RNF217: variants seen among roughly 807,000 people sequenced by gnomAD.
RNF217 encodes the protein E3 ubiquitin-protein ligase RNF217.
Under a neutral mutation model 57.8 loss-of-function variants are expected in RNF217, and 31 were observed. The ratio of observed to expected loss-of-function variants is 0.54; its 90% CI spans 0.40 to 0.72. The LOEUF is 0.72. Ranked by LOEUF, RNF217 falls within the 30% of genes least tolerant of loss-of-function variation. RNF217 has a pLI of 0.00. For synonymous variants in RNF217, 313 were observed against 294.0 expected (o/e 1.06, Z -0.66); for missense variants, 696 against 708.3 (o/e 0.98, Z 0.20).
At chr6:125,040,552 C>T (rs543186350) in intron 1 of RNF217, among the ~76,000 whole-genome samples, 6 of 152,228 alleles carry the variant, frequency 3.9e-5, no homozygotes, top group African/African-American at 9.6e-5. Flanking sequence ...CTATTCCAAA[C>T]AATTGAAAAG....
rs1027246584 is a variant in RNF217 at position 125,085,676 on chromosome 6, A to G, written c.*2739A>G. ...ACTACTTTAAAAAATTGAACTATAC[A>G]GAATTTATAAAATACAACTTTCTCT... On this transcript the variant is annotated 3_prime_UTR_variant, in exon 6 of 6. Coordinates refer to ENST00000521654, the MANE Select transcript of RNF217 (RefSeq NM_001286398.3). 3 of 151,910 alleles carry G rather than the reference A, an allele frequency of 2.0e-5. No individual in the cohort carries two copies. The highest frequency in any genetic ancestry group is 2.9e-5 in the Non-Finnish European group (2 of 67,838). 9.4% of individuals were successfully genotyped at this position (151,910 alleles called of 1,614,324 possible).
intron 3 of RNF217, among the ~76,000 whole-genome samples, chr6:125,070,826 T>C (rs1033959679): frequency 6.6e-6 from 1 of 152,172 alleles, no homozygotes; most frequent in Admixed American, 6.5e-5. Context: ...GAGGTTAGGA[T>C]TTTATCTAGA....
chr6:125,070,500 A>T lies in RNF217; in HGVS notation c.1282-6157A>T, dbSNP rs112576766. ...GTTTTCTTTTCACCACATTCACACCAACATCTATTGTTTTTTGACTTTTTA... is the reference window on the plus strand; with the variant it reads ...GTTTTCTTTTCACCACATTCACACCTACATCTATTGTTTTTTGACTTTTTA... On this transcript the variant is annotated intron_variant, in intron 3 of 5. Transcript: ENST00000521654. Among the ~76,000 whole-genome samples the T allele has an allele frequency of 4.0e-3, 602 of 152,328 alleles. 3 individuals carry two copies. Among genetic ancestry groups the T allele is most frequent in the African/African-American group, 0.014 (574 of 41,590 alleles).
chr6:125,065,250 C>T (rs1399901407), intron 3 of RNF217, among the ~76,000 whole-genome samples: 1 of 146,276 alleles, frequency 6.8e-6, no homozygotes, highest in East Asian at 2.0e-4. Context: ...GAGATGACGC[C>T]ACTGCACTCC....
intron 3 of RNF217, among the ~76,000 whole-genome samples, chr6:125,067,939 G>A (rs527620041): frequency 2.6e-5 from 4 of 152,244 alleles, no homozygotes; most frequent in African/African-American, 9.6e-5. Context: ...TGTCACTGAA[G>A]CAATAGTGTA....
At chr6:125,010,167 G>A (rs914865280) in intron 1 of RNF217, among the ~76,000 whole-genome samples, 7 of 151,948 alleles carry the variant, frequency 4.6e-5, no homozygotes, top group African/African-American at 1.5e-4. Context: ...CATTATGCTC[G>A]TTCAGTATTT....
Position 125,040,406 on chromosome 6 carries a change from C to T in RNF217, c.883-4805C>T, listed in dbSNP as rs186683985. On this transcript the variant is annotated intron_variant, in intron 1 of 5. Transcript: ENST00000521654. The stretch of plus-strand genomic sequence containing the variant: ...ACTAAACCAGGAAGAAGTTGAATCC[C>T]TGAATAGACCAATAACAAGTTCTGA... Among the ~76,000 whole-genome samples the T allele has an allele frequency of 2.6e-3, 397 of 152,248 alleles. 2 individuals are homozygous for T. Among genetic ancestry groups the T allele is most frequent in the African/African-American group, 9.0e-3 (372 of 41,558 alleles).
intron 2 of RNF217, among the ~76,000 whole-genome samples, chr6:125,050,835 C>T (rs899361543): frequency 4.6e-5 from 7 of 151,692 alleles, no homozygotes; most frequent in African/African-American, 1.4e-4. Context: ...ATTAATGTAT[C>T]ACTCATGTCA....
intron 1 of RNF217, among the ~76,000 whole-genome samples, chr6:125,013,345 T>TTG (rs1388363342): frequency 2.0e-3 from 222 of 112,288 alleles, no homozygotes; most frequent in African/African-American, 6.7e-3. Flanking sequence ...CTTGCATGTT[T>TTG]TGTGTATGTG....
Position 124,963,067 on chromosome 6 carries a change from G to A in RNF217, c.523G>A (p.Glu175Lys). The change falls in exon 1 of 6, where the codon GAG (glutamate) becomes AAG (lysine). Residue 175 changes from glutamate to lysine, a missense_variant. Glu to Lys is a moderately conservative substitution (Grantham distance 56, BLOSUM62 1). This residue lies in a region of RNF217 where 465 missense variants were observed against 386.8 expected (regional missense o/e 1.20). Transcript: ENST00000521654. ...SVYCVESDLP[E>K]APASEQLSPP... The stretch of plus-strand genomic sequence containing the variant: ...GTACTGCGTGGAGAGCGACCTGCCC[G>A]AGGCCCCCGCCTCGGAGCAGCTCTC... 1.9e-6 allele frequency: 3 copies of A among 1,562,376 alleles called. No homozygotes were observed. Among genetic ancestry groups the A allele is most frequent in the East Asian group, 2.4e-5 (1 of 42,528 alleles).
intron 3 of RNF217, among the ~76,000 whole-genome samples, chr6:125,070,933 G>A (rs148180755): frequency 3.2e-4 from 49 of 152,194 alleles, no homozygotes; most frequent in African/African-American, 9.9e-4. Context: ...TGGTGAAACT[G>A]GAGACAAATA....
chr6:125,074,900 T>C (rs917021379), intron 3 of RNF217, among the ~76,000 whole-genome samples: 1 of 152,278 alleles, frequency 6.6e-6, no homozygotes, highest in East Asian at 1.9e-4. Flanking sequence ...TTTAAAACAT[T>C]CACTGACACT....
rs574377111 is a variant in RNF217 at position 125,021,578 on chromosome 6, C to T, written c.883-23633C>T. ...CTGCACCCGGCCAGAAAATGCTTAC[C>T]TTATGTTACATGGAAAAGCAAGTTA... On this transcript the variant is annotated intron_variant, in intron 1 of 5. Transcript: ENST00000521654. Among the ~76,000 whole-genome samples, 5 of 152,142 alleles carry T rather than the reference C, an allele frequency of 3.3e-5. No homozygotes were observed. The South Asian group carries it at 1.0e-3, about 32-fold the overall frequency.
intron 4 of RNF217, among the ~76,000 whole-genome samples, chr6:125,077,946 G>A (rs1385979585): frequency 6.6e-6 from 1 of 152,016 alleles, no homozygotes; most frequent in African/African-American, 2.4e-5. Context: ...ATTTCTATCA[G>A]GTAAAAGATA....
chr6:125,055,638 A>G (rs1175177287), intron 2 of RNF217, among the ~76,000 whole-genome samples: 1 of 152,210 alleles, frequency 6.6e-6, no homozygotes, highest in East Asian at 1.9e-4. Flanking sequence ...AGTTCATTTA[A>G]TGATGCTAGA....
intron 3 of RNF217, among the ~76,000 whole-genome samples, chr6:125,065,736 C>T (rs1172722748): frequency 4.6e-5 from 7 of 152,126 alleles, no homozygotes; most frequent in African/African-American, 1.7e-4. Flanking sequence ...TTTCCATTTT[C>T]ATTTCTTTTC....
intron 4 of RNF217, 35 bp downstream of exon 4, chr6:125,076,893 G>T (rs1446802593): frequency 6.4e-7 from 1 of 1,561,122 alleles, no homozygotes; most frequent in African/African-American, 1.4e-5. Context: ...TGTCTTCCCT[G>T]GGAATTAAGT....
chr6:125,068,306 A>G (rs1788011695), intron 3 of RNF217, among the ~76,000 whole-genome samples: 1 of 152,160 alleles, frequency 6.6e-6, no homozygotes, highest in South Asian at 2.1e-4. Flanking sequence ...AATGCCATAA[A>G]TATGCTGTAT....
chr6:125,053,281 G>A (rs1266910656), intron 2 of RNF217, among the ~76,000 whole-genome samples: 3 of 151,984 alleles, frequency 2.0e-5, no homozygotes, highest in Non-Finnish European at 4.4e-5. Flanking sequence ...GTTCCTTAAG[G>A]ACAAGTATTT....
Sources: allele counts gnomAD v4.1 joint callset (sites outside exome capture counted in the v4.1 genomes callset), GRCh38; gene constraint gnomAD v4.1.1; regional missense constraint gnomAD v4.1.1; transcripts MANE v1.5; gene names NCBI Gene and HGNC (gene_info 2026-07-23, HGNC 2026-07-21).